Variants in HK1 observed in about 807,000 individuals in gnomAD.
HK1 encodes the protein hexokinase 1.
A neutral mutation model predicts 91.6 loss-of-function variants in HK1; 28 were observed. That is an observed-to-expected ratio of 0.31 (90% CI 0.23 to 0.42). The LOEUF is 0.42. Among genes scored for constraint, HK1 ranks in the 10% least tolerant of loss-of-function variants. The pLI is 1.00. For synonymous variants in HK1, 430 were observed against 468.1 expected, an observed-to-expected ratio of 0.92 and a Z score of 1.05; for missense variants, 770 against 1,219.8, an observed-to-expected ratio of 0.63 and a Z score of 5.49.
intron 2 of HK1, among the ~76,000 whole-genome samples, chr10:69,354,659 G>A (rs111447980): frequency 6.6e-6 from 1 of 151,952 alleles, no homozygotes; most frequent in South Asian, 2.1e-4. Context: ...TTGAATGAAT[G>A]AATGGACCAC....
At chr10:69,398,895 G>A in intron 17 of HK1, 67 bp downstream of exon 17, 1 of 1,294,764 alleles carries the variant, frequency 7.7e-7, no homozygotes, top group Non-Finnish European at 1.1e-6. Context: ...GGGGTATCAG[G>A]GTGTGGTTTA....
intron 13 of HK1, among the ~76,000 whole-genome samples, chr10:69,387,983 C>G (rs1449928762): frequency 6.6e-6 from 1 of 151,610 alleles, no homozygotes; most frequent in African/African-American, 2.4e-5. Flanking sequence ...AAAGAGCAGA[C>G]AGATACCTGG....
At chr10:69,276,405 T>C (rs867321249) in intron 1 of HK1, among the ~76,000 whole-genome samples, 107 of 152,092 alleles carry the variant, frequency 7.0e-4, no homozygotes, top group African/African-American at 2.4e-3. Flanking sequence ...ATGCCTGTAA[T>C]CCCAGCACTT....
At chr10:69,340,144 G>A (rs1291868844) in intron 1 of HK1, among the ~76,000 whole-genome samples, 1 of 152,326 alleles carries the variant, frequency 6.6e-6, no homozygotes, top group African/African-American at 2.4e-5. Flanking sequence ...AGTATCATAG[G>A]AGATGGACAG....
intron 1 of HK1, among the ~76,000 whole-genome samples, chr10:69,324,127 C>T (rs1162208640): frequency 6.6e-6 from 1 of 152,194 alleles, no homozygotes; most frequent in African/African-American, 2.4e-5. Context: ...CCGCCTTGGC[C>T]TCCCTAAGTA....
chr10:69,365,939 C>G (rs1849677991), intron 4 of HK1, among the ~76,000 whole-genome samples: 1 of 152,160 alleles, frequency 6.6e-6, no homozygotes, highest in African/African-American at 2.4e-5. Context: ...TCAAGCAATT[C>G]TCCTGCCTTA....
chr10:69,321,242 G>A (rs916979683), intron 1 of HK1, among the ~76,000 whole-genome samples: 1 of 152,296 alleles, frequency 6.6e-6, no homozygotes, highest in East Asian at 1.9e-4. Context: ...TTGCGCCACC[G>A]CACTCCAGCC....
intron 1 of HK1, among the ~76,000 whole-genome samples, chr10:69,279,287 G>A (rs77775728): frequency 0.018 from 2,772 of 152,304 alleles, 81 homozygotes; most frequent in African/African-American, 0.058. Context: ...GGTGAAGGGC[G>A]TTGGGACAAC....
intron 17 of HK1, among the ~76,000 whole-genome samples, chr10:69,400,380 C>G (rs1161725757): frequency 6.6e-6 from 1 of 152,214 alleles, no homozygotes; most frequent in Non-Finnish European, 1.5e-5. Flanking sequence ...CATGTAGATT[C>G]AGCCTTTGTT....
chr10:69,285,655 T>A (rs1032327207), intron 2 of HK1, among the ~76,000 whole-genome samples: 1 of 152,114 alleles, frequency 6.6e-6, no homozygotes, highest in African/African-American at 2.4e-5. Flanking sequence ...ATGCTCTAGA[T>A]CTTGAAGAGG....
At chr10:69,399,858 T>C (rs552488654) in intron 17 of HK1, among the ~76,000 whole-genome samples, 1 of 152,300 alleles carries the variant, frequency 6.6e-6, no homozygotes, top group African/African-American at 2.4e-5. Flanking sequence ...GAGGCCATAG[T>C]GTCACCCTAC....
intron 14 of HK1, among the ~76,000 whole-genome samples, chr10:69,391,380 G>A (rs901308963): frequency 8.5e-5 from 13 of 152,240 alleles, no homozygotes; most frequent in African/African-American, 2.9e-4. Flanking sequence ...TGGTGCCCAC[G>A]CCTGTAATCC....
At chr10:69,364,474 T>C (rs1460625360) in intron 3 of HK1, among the ~76,000 whole-genome samples, 1 of 152,128 alleles carries the variant, frequency 6.6e-6, no homozygotes, top group Non-Finnish European at 1.5e-5. Flanking sequence ...GGTTTTCTAT[T>C]ATTTTTCCAT....
At chr10:69,293,518 G>T (rs887125690) in intron 3 of HK1, among the ~76,000 whole-genome samples, 1 of 152,130 alleles carries the variant, frequency 6.6e-6, no homozygotes, top group Non-Finnish European at 1.5e-5. Flanking sequence ...CTATGTGTGT[G>T]GTGTAATAAA....
At chr10:69,277,094 T>G (rs931358005) in intron 1 of HK1, among the ~76,000 whole-genome samples, 1 of 152,204 alleles carries the variant, frequency 6.6e-6, no homozygotes, top group Non-Finnish European at 1.5e-5. Flanking sequence ...ATTTTTATTA[T>G]GCCATCATAT....
chr10:69,353,866 C>T (rs1369835066), intron 2 of HK1, among the ~76,000 whole-genome samples: 1 of 152,020 alleles, frequency 6.6e-6, no homozygotes, highest in African/African-American at 2.4e-5. Context: ...TGTGAGCTGC[C>T]GTAGCAAACT....
chr10:69,302,801 G>C (rs1447869443), intron 5 of HK1, among the ~76,000 whole-genome samples: 4 of 150,750 alleles, frequency 2.7e-5, no homozygotes, highest in Non-Finnish European at 4.4e-5. Context: ...TGTTTGCTTT[G>C]TTTGTTTGTT....
intron 7 of HK1, among the ~76,000 whole-genome samples, chr10:69,373,551 T>C (rs1267553116): frequency 1.3e-5 from 2 of 152,150 alleles, no homozygotes; most frequent in Non-Finnish European, 2.9e-5. Context: ...CCACCTTTTA[T>C]ATCATTTTTA....
intron 1 of HK1, chr10:69,270,154 T>G (rs1844081977): frequency 6.6e-6 from 1 of 152,206 alleles, no homozygotes; most frequent in Non-Finnish European, 1.5e-5. Flanking sequence ...TTCTCTCTCT[T>G]TTTTTGAGGC....
Sources: allele counts gnomAD v4.1 joint callset (sites outside exome capture counted in the v4.1 genomes callset), GRCh38; gene constraint gnomAD v4.1.1; transcripts MANE v1.5; gene names NCBI Gene and HGNC (gene_info 2026-07-23, HGNC 2026-07-21).